Variants in GRTP1 observed in about 807,000 individuals in gnomAD.
GRTP1 encodes the protein growth hormone-regulated TBC protein 1.
A neutral mutation model predicts 38.1 loss-of-function variants in GRTP1; 56 were observed. The observed-to-expected ratio is 1.47, with a 90% CI of 1.19 to 1.84. GRTP1 has a LOEUF of 1.84. Among genes scored for constraint, GRTP1 ranks in the 40% most tolerant of loss-of-function variants. The pLI, the probability that GRTP1 is intolerant of heterozygous loss-of-function variation, is 0.00. For synonymous variants in GRTP1, 217 were observed against 189.5 expected, an observed-to-expected ratio of 1.14 and a Z score of -1.19; for missense variants, 506 against 453.9, an observed-to-expected ratio of 1.11 and a Z score of -1.04.
At chr13:113,347,619 TGA>T (rs1446515052) in intron 4 of GRTP1, among the ~76,000 whole-genome samples, 77 of 17,420 alleles carry the variant, frequency 4.4e-3, no homozygotes, top group East Asian at 5.8e-3. Context: ...CCTCTGTGGC[TGA>T]GAGCGGACCT....
intron 4 of GRTP1, among the ~76,000 whole-genome samples, chr13:113,346,073 G>GGAGGATCTCTGTGC (rs1566429027): frequency 1.2e-5 from 1 of 83,160 alleles, no homozygotes; most frequent in Non-Finnish European, 2.4e-5. Context: ...GACCTCTGCG[G>GGAGGATCTCTGTGC]CTGAGCAGAC....
intron 3 of GRTP1, among the ~76,000 whole-genome samples, chr13:113,353,671 G>C (rs975018440): frequency 1.3e-5 from 2 of 152,156 alleles, no homozygotes; most frequent in African/African-American, 4.8e-5. Context: ...CCAGGGGCTG[G>C]GTGAGGACAT....
intron 5 of GRTP1, among the ~76,000 whole-genome samples, chr13:113,338,169 G>A (rs536177429): frequency 1.8e-4 from 28 of 152,298 alleles, no homozygotes; most frequent in African/African-American, 6.0e-4. Flanking sequence ...CCCATCGCCC[G>A]CCCGGGGAGC....
intron 5 of GRTP1, among the ~76,000 whole-genome samples, chr13:113,330,485 T>C (rs1180370775): frequency 8.6e-6 from 1 of 116,182 alleles, no homozygotes; most frequent in Non-Finnish European, 1.8e-5. Context: ...GGTGTGTGCA[T>C]GGGAGCCCAG....
At chr13:113,330,251 ACCCAGGTGTGTGCATGGGAG>A (rs2042841780) in intron 5 of GRTP1, among the ~76,000 whole-genome samples, 1 of 101,092 alleles carries the variant, frequency 9.9e-6, no homozygotes. Context: ...GTGCATGGAA[ACCCAGGTGTGTGCATGGGAG>A]CCCAGGTGTG....
chr13:113,326,798 A>C (rs1595471224), intron 5 of GRTP1, among the ~76,000 whole-genome samples: 1 of 152,366 alleles, frequency 6.6e-6, no homozygotes, highest in East Asian at 1.9e-4. Context: ...GTCCGTCGGC[A>C]GACAAGTGGA....
intron 3 of GRTP1, among the ~76,000 whole-genome samples, chr13:113,351,442 C>A (rs998638765): frequency 2.0e-5 from 3 of 152,298 alleles, no homozygotes; most frequent in Non-Finnish European, 2.9e-5. Context: ...AATTGAGACT[C>A]CTCAGAGATA....
At chr13:113,351,066 C>T (rs1445889568) in intron 3 of GRTP1, 93 bp from the exon 4 acceptor site, 1 of 1,550,050 alleles carries the variant, frequency 6.5e-7, no homozygotes, top group Non-Finnish European at 8.8e-7. Flanking sequence ...CTGGGTTCCA[C>T]TTGGGACTTA....
intron 7 of GRTP1, 44 bp downstream of exon 7, chr13:113,325,617 G>A (rs769674428): frequency 1.7e-5 from 28 of 1,612,942 alleles, no homozygotes; most frequent in African/African-American, 8.0e-5. Flanking sequence ...CAGGTGAGGC[G>A]GGGCCCCCTG....
chr13:113,326,077 C>A lies in GRTP1; in HGVS notation c.577G>T (p.Ala193Ser). 1 of 1,609,772 alleles carries A rather than the reference C, an allele frequency of 6.2e-7. No homozygotes were observed. The highest frequency in any genetic ancestry group is 8.5e-7 in the Non-Finnish European group (1 of 1,179,962). ...GRILPDYYSP[A>S]MLGLKTDQEV... is the part of the protein sequence containing the mutation. The stretch of plus-strand genomic sequence containing the variant: ...TGGTCGGTCTTCAGGCCCAGCATGG[C>A]CGGGCTGTAGTAATCTGCCAGGCAA... Residue 193 changes from alanine (A) to serine (S), a missense_variant, in exon 6 of 8, where the codon GCC (alanine) becomes TCC (serine). Physicochemically the swap from Ala to Ser is moderately conservative, Grantham distance 99. Coordinates refer to ENST00000375431, the MANE Select transcript of GRTP1 (RefSeq NM_024719.4).
At chr13:113,358,801 C>G (rs989292879) in intron 2 of GRTP1, among the ~76,000 whole-genome samples, 4 of 152,198 alleles carry the variant, frequency 2.6e-5, no homozygotes, top group African/African-American at 9.6e-5. Context: ...TTAGGACACT[C>G]ATATATTTGT....
intron 5 of GRTP1, among the ~76,000 whole-genome samples, chr13:113,326,382 G>C (rs1367484303): frequency 1.1e-5 from 1 of 87,142 alleles, no homozygotes; most frequent in Admixed American, 9.5e-5. Context: ...CGCGGTGGGG[G>C]GGGGGGGGGC....
intron 2 of GRTP1, among the ~76,000 whole-genome samples, chr13:113,359,226 G>C (rs1171408751): frequency 6.6e-6 from 1 of 152,212 alleles, no homozygotes; most frequent in Non-Finnish European, 1.5e-5. Flanking sequence ...GTGAGCAGTG[G>C]GCTGACTTCA....
At chr13:113,325,254 C>T (rs1050941698) in intron 7 of GRTP1, 1 of 1,229,608 alleles carries the variant, frequency 8.1e-7, no homozygotes, top group Non-Finnish European at 1.0e-6. Flanking sequence ...AGGCCTGAGC[C>T]TCTCCTGGCG....
Position 113,345,005 on chromosome 13 carries a change from C to T in GRTP1, c.466-46G>A, listed in dbSNP as rs761907957. 83 of 1,567,006 alleles carry T rather than the reference C, an allele frequency of 5.3e-5. No homozygotes were observed. The Admixed American group carries it at 1.6e-3, about 29-fold the overall frequency. On this transcript the variant is annotated intron_variant, in intron 4 of 7. Transcript: ENST00000375431. ...AACAAATTCACATTGAGTTTTAAGC[C>T]CCCATTTGATTCTGCAATCATTCGG...
chr13:113,340,771 C>T (rs1353211671), intron 5 of GRTP1, among the ~76,000 whole-genome samples: 3 of 151,776 alleles, frequency 2.0e-5, no homozygotes, highest in Non-Finnish European at 4.4e-5. Flanking sequence ...CAGAGTGAGA[C>T]TCTGTCTTGA....
intron 5 of GRTP1, among the ~76,000 whole-genome samples, chr13:113,333,039 T>C (rs964798730): frequency 6.6e-6 from 1 of 152,238 alleles, no homozygotes; most frequent in Admixed American, 6.5e-5. Flanking sequence ...GACCAGCATT[T>C]ATCCCGCCTC....
chr13:113,353,563 A>G (rs2043324270), intron 3 of GRTP1, among the ~76,000 whole-genome samples: 1 of 152,124 alleles, frequency 6.6e-6, no homozygotes, highest in Admixed American at 6.5e-5. Context: ...CAAAGCACGG[A>G]GACAAGCGTA....
chr13:113,353,442 T>C (rs2043322022), intron 3 of GRTP1, among the ~76,000 whole-genome samples: 1 of 152,178 alleles, frequency 6.6e-6, no homozygotes, highest in Non-Finnish European at 1.5e-5. Context: ...AAGGAGGAAA[T>C]TGTCACACAA....
Sources: allele counts gnomAD v4.1 joint callset (sites outside exome capture counted in the v4.1 genomes callset), GRCh38; gene constraint gnomAD v4.1.1; transcripts MANE v1.5; gene names NCBI Gene and HGNC (gene_info 2026-07-23, HGNC 2026-07-21).